The following GPD1L variants were observed in gnomAD, a reference collection of about 807,000 sequenced individuals.
GPD1L encodes glycerol-3-phosphate dehydrogenase 1 like.
In GPD1L, 17 loss-of-function variants were observed where a neutral mutation model predicts 32.9. The observed-to-expected ratio is 0.52, with a 90% CI of 0.35 to 0.78. GPD1L has a LOEUF of 0.78. Among genes scored for constraint, GPD1L ranks in the 30% least tolerant of loss-of-function variants. The probability of loss-of-function intolerance (pLI) is 0.01; values close to 1 mark genes in which losing one functional copy is unlikely to be tolerated. For missense variants in GPD1L, 361 were observed against 447.8 expected (o/e 0.81, Z 1.75); for synonymous variants, 187 against 165.9 (o/e 1.13, Z -0.98).
intron 5 of GPD1L, among the ~76,000 whole-genome samples, chr3:32,154,032 G>A (rs1029693880): frequency 5.3e-5 from 8 of 152,132 alleles, no homozygotes; most frequent in African/African-American, 1.7e-4. Context: ...ACATCTGAGC[G>A]ATCTCGGAGG....
intron 5 of GPD1L, among the ~76,000 whole-genome samples, chr3:32,147,430 T>C (rs1559579443): frequency 6.6e-6 from 1 of 152,184 alleles, no homozygotes; most frequent in Non-Finnish European, 1.5e-5. Context: ...TTCCCCTCTT[T>C]TGAGGTAAAG....
intron 1 of GPD1L, among the ~76,000 whole-genome samples, chr3:32,124,169 G>A (rs1007878010): frequency 2.0e-5 from 3 of 152,070 alleles, no homozygotes; most frequent in African/African-American, 2.4e-5. Flanking sequence ...GAGTTCAAGC[G>A]ATTCTCCTGC....
At chr3:32,135,735 C>T (rs1043457143) in intron 2 of GPD1L, among the ~76,000 whole-genome samples, 7 of 152,162 alleles carry the variant, frequency 4.6e-5, no homozygotes, top group Admixed American at 4.6e-4. Flanking sequence ...TTATTACAGG[C>T]ATGAGCATGG....
In GPD1L at chr3:32,141,511, T is replaced by C. The variant is rs146105117; in HGVS notation, c.505+1145T>C. Among the ~76,000 whole-genome samples the C allele has an allele frequency of 6.6e-5, 10 of 152,326 alleles. No homozygotes were observed. In the East Asian group the frequency reaches 1.9e-3, roughly 29 times the overall value. ...TTAACATACTGTACATCCTCATAAC[T>C]GCATAGCATTCCATCAGCAATTCCA... On this transcript the variant is annotated intron_variant, in intron 4 of 7. Coordinates refer to ENST00000282541, the MANE Select transcript of GPD1L (RefSeq NM_015141.4).
chr3:32,155,871 G>T (rs1700981456), intron 5 of GPD1L, among the ~76,000 whole-genome samples: 1 of 152,212 alleles, frequency 6.6e-6, no homozygotes, highest in Admixed American at 6.5e-5. Flanking sequence ...AGGTCACACT[G>T]TGACAATGTA....
At chr3:32,156,836 A>G (rs533345302) in intron 5 of GPD1L, among the ~76,000 whole-genome samples, 1 of 152,310 alleles carries the variant, frequency 6.6e-6, no homozygotes, top group East Asian at 1.9e-4. Context: ...TGATGTTTTA[A>G]GAAAAGTTAT....
At chr3:32,134,583 C>A (rs1281379785) in intron 2 of GPD1L, among the ~76,000 whole-genome samples, 1 of 152,206 alleles carries the variant, frequency 6.6e-6, no homozygotes. Flanking sequence ...ACCTCCTGGG[C>A]TCAAGTGATC....
chr3:32,125,997 G>C (rs896217932), intron 1 of GPD1L, among the ~76,000 whole-genome samples: 1 of 152,112 alleles, frequency 6.6e-6, no homozygotes, highest in Non-Finnish European at 1.5e-5. Context: ...ACATGGTCTG[G>C]AGGGCTTAGT....
intron 4 of GPD1L, among the ~76,000 whole-genome samples, chr3:32,146,022 A>T (rs943817585): frequency 6.7e-5 from 10 of 149,782 alleles, no homozygotes; most frequent in African/African-American, 2.5e-4. Context: ...GATGGCCTGG[A>T]TTATTTTGAC....
intron 5 of GPD1L, among the ~76,000 whole-genome samples, chr3:32,157,846 C>G (rs886069579): frequency 2.6e-5 from 4 of 152,194 alleles, no homozygotes; most frequent in African/African-American, 9.7e-5. Flanking sequence ...TGCCAGCCCC[C>G]TTAGCAGATT....
chr3:32,158,990 T>G lies in GPD1L; in HGVS notation c.733T>G (p.Cys245Gly). 1 of 1,614,136 alleles carries G rather than the reference T, an allele frequency of 6.2e-7. No individual in the cohort carries two copies. ...MEMIAFARIF[C>G]KGQVSTATFL... is the part of the protein sequence containing the mutation. The stretch of plus-strand genomic sequence containing the variant: ...AATGATTGCTTTTGCCAGGATCTTC[T>G]GCAAAGGCCAAGTGTCTACAGCCAC... Residue 245 changes from cysteine to glycine, a missense_variant, in exon 6 of 8, where the codon TGC becomes GGC. Physicochemically the swap from Cys to Gly is radical, Grantham distance 159. Coordinates refer to ENST00000282541, the MANE Select transcript of GPD1L (RefSeq NM_015141.4).
At chr3:32,131,441 A>T (rs1700586525) in intron 2 of GPD1L, among the ~76,000 whole-genome samples, 1 of 152,164 alleles carries the variant, frequency 6.6e-6, no homozygotes, top group Non-Finnish European at 1.5e-5. Flanking sequence ...GTGACTACTA[A>T]TCTACTTTCT....
intron 2 of GPD1L, among the ~76,000 whole-genome samples, chr3:32,129,797 T>A (rs1007335561): frequency 6.6e-6 from 1 of 152,194 alleles, no homozygotes; most frequent in Admixed American, 6.5e-5. Context: ...GAGGTAGCTC[T>A]TCCCCCTGCA....
intron 2 of GPD1L, among the ~76,000 whole-genome samples, chr3:32,130,624 G>A (rs1241051625): frequency 6.6e-6 from 1 of 152,134 alleles, no homozygotes; most frequent in South Asian, 2.1e-4. Context: ...ACTAAAAGCT[G>A]AGCCCGTCTG....
chr3:32,142,200 C>G (rs541689379), intron 4 of GPD1L, among the ~76,000 whole-genome samples: 14 of 152,098 alleles, frequency 9.2e-5, no homozygotes, highest in South Asian at 2.1e-4. Flanking sequence ...CTCACTGCAA[C>G]CTCCAATTCC....
At chr3:32,131,642 A>G (rs1040181157) in intron 2 of GPD1L, among the ~76,000 whole-genome samples, 1 of 152,094 alleles carries the variant, frequency 6.6e-6, no homozygotes, top group Admixed American at 6.5e-5. Context: ...CATTTTGTTT[A>G]CCCATTCATT....
At position 32,166,100 on chromosome 3, in the gene GPD1L, A is replaced by G. The variant is rs148734645; in HGVS notation, c.*190A>G. 2,425 of 635,500 alleles carry G rather than the reference A, an allele frequency of 3.8e-3. 16 individuals are homozygous for G. Among genetic ancestry groups the G allele is most frequent in the Middle Eastern group, 0.011 (43 of 4,006 alleles). 39.4% of individuals were successfully genotyped at this position (635,500 alleles called of 1,614,324 possible). On this transcript the variant is annotated 3_prime_UTR_variant, in exon 8 of 8. Coordinates refer to ENST00000282541, the MANE Select transcript of GPD1L (RefSeq NM_015141.4). ...CAAAGATGTACTGGGCAGTAACTAA[A>G]CACACATGCAAACATGTGAATGGTG...
At chr3:32,159,136 C>A in intron 6 of GPD1L, 27 bp downstream of exon 6, 4 of 1,537,100 alleles carry the variant, frequency 2.6e-6, no homozygotes, top group Non-Finnish European at 2.7e-6. Context: ...TCTCCCGCAC[C>A]CCCTCCTTCC....
At position 32,140,326 on chromosome 3, in the gene GPD1L, C is replaced by T. The variant is rs113645050; in HGVS notation, c.465C>T (p.Ala155=). ...GTGTGCTGATGGGAGCCAACATTGC[C>T]AATGAGGTGGCTGCAGAGAAGTTCT... ...DISVLMGANI[A]NEVAAEKFCE... The change falls in exon 4 of 8, where the codon GCC becomes GCT. Residue 155 remains alanine, a synonymous_variant. Transcript: ENST00000282541. 9.0e-4 allele frequency: 1,455 copies of T among 1,614,138 alleles called. 8 individuals carry two copies. Among genetic ancestry groups the T allele is most frequent in the East Asian group, 1.2e-3 (52 of 44,878 alleles).
Sources: gnomAD v4.1 joint callset for allele counts (sites outside exome capture counted in the v4.1 genomes callset) on GRCh38, gnomAD v4.1.1 for gene constraint, MANE v1.5 for transcripts, NCBI Gene and HGNC (gene_info 2026-07-23, HGNC 2026-07-21) for gene names.